The following PCDHB1 variants were observed in gnomAD, a reference collection of about 807,000 sequenced individuals.
PCDHB1 encodes protocadherin beta-1.
In PCDHB1, 44 loss-of-function variants were observed where a neutral mutation model predicts 43.5. The observed-to-expected ratio is 1.01, with a 90% CI of 0.79 to 1.30. PCDHB1 has a LOEUF of 1.30. Ranked by LOEUF, PCDHB1 falls within the 50% of genes most tolerant of loss-of-function variation. The pLI is 0.00. For missense variants in PCDHB1, 919 were observed against 1,008.9 expected, an observed-to-expected ratio of 0.91 and a Z score of 1.21; for synonymous variants, 392 against 400.8, an observed-to-expected ratio of 0.98 and a Z score of 0.26.
In PCDHB1 at chr5:141,052,122, G is replaced by A. The variant is rs1554267188; in HGVS notation, c.652G>A (p.Gly218Arg). Reference protein sequence around the residue: ...VNLTITAVDGGSPPKSGTAHI... With the variant: ...VNLTITAVDGRSPPKSGTAHI... Reference sequence around the variant, plus strand: ...CTTGACAATTACGGCGGTGGACGGCGGGTCCCCGCCTAAGTCTGGCACAGC... The same window carrying A: ...CTTGACAATTACGGCGGTGGACGGCAGGTCCCCGCCTAAGTCTGGCACAGC... The change falls in exon 1 of 1, where the codon GGG becomes AGG. Residue 218 changes from glycine (G) to arginine (R), a missense_variant. Coordinates refer to ENST00000306549, the MANE Select transcript of PCDHB1 (RefSeq NM_013340.4). 2 of 1,612,584 alleles carry A rather than the reference G, an allele frequency of 1.2e-6. No homozygotes were observed. The highest frequency in any genetic ancestry group is 1.3e-5 in the African/African-American group (1 of 75,012).
In PCDHB1 at chr5:141,057,400, G is replaced by A. The variant is rs1464224270; in HGVS notation, c.*3473G>A. On this transcript the variant is annotated 3_prime_UTR_variant, in exon 1 of 1. Transcript: ENST00000306549. ...CTATTAAAAATACAAAAATTAGCTG[G>A]GTGTGGTGGTATGTGCCTGTAGTCC... The A allele has an allele frequency of 6.6e-6, 1 of 151,682 alleles. No homozygotes were observed. Among genetic ancestry groups the A allele is most frequent in the African/African-American group, 2.4e-5 (1 of 41,300 alleles). The allele number at this position is 151,682 out of a possible 1,614,324, so 9.4% of individuals were successfully genotyped here. A position where few individuals can be genotyped will look rare whatever the true frequency, so the allele number is the denominator to read the frequency against.
Position 141,054,246 on chromosome 5 carries a change from G to C in PCDHB1, c.*319G>C, listed in dbSNP as rs904884149. 4.3e-6 allele frequency: 1 copy of C among 233,062 alleles called. No individual in the cohort carries two copies. Among genetic ancestry groups the C allele is most frequent in the East Asian group, 8.4e-5 (1 of 11,880 alleles). The allele number at this position is 233,062 out of a possible 1,614,324, so 14.4% of individuals were successfully genotyped here. A position where few individuals can be genotyped will look rare whatever the true frequency, so the allele number is the denominator to read the frequency against. On this transcript the variant is annotated 3_prime_UTR_variant, in exon 1 of 1. Transcript: ENST00000306549. The stretch of plus-strand genomic sequence containing the variant: ...CTCTGTGCTAGCAAGTAATGAATAA[G>C]CCATTATTCACATTTTCCTTAGAAG...
At position 141,051,545 on chromosome 5, in the gene PCDHB1, G is replaced by A; in HGVS notation, c.75G>A (p.Val25=). The A allele has an allele frequency of 6.2e-7, 1 of 1,614,232 alleles. No individual in the cohort carries two copies. Among genetic ancestry groups the A allele is most frequent in the Non-Finnish European group, 8.5e-7 (1 of 1,180,038 alleles). Reference sequence around the variant, plus strand: ...TTCTCATTTTTCTGTGCATATCTGTGGGGGATGCGACAACTATCCGCTATT... The same window carrying A: ...TTCTCATTTTTCTGTGCATATCTGTAGGGGATGCGACAACTATCCGCTATT... The part of the protein sequence containing the change: ...GSLLIFLCIS[V]GDATTIRYSV... The change falls in exon 1 of 1, where the codon GTG becomes GTA. Residue 25 remains valine (V), a synonymous_variant. Coordinates refer to ENST00000306549, the MANE Select transcript of PCDHB1 (RefSeq NM_013340.4).
chr5:141,052,661 A>C lies in PCDHB1; in HGVS notation c.1191A>C (p.Thr397=). ...ACCTTCCCTTTGTAATCAAACCTAC[A>C]TTTGGGAATTCTTACTCACTGGTCA... The part of the protein sequence containing the change: ...REDLPFVIKP[T]FGNSYSLVTD... Residue 397 remains threonine, a synonymous_variant, in exon 1 of 1, where the codon ACA becomes ACC. Coordinates refer to ENST00000306549, the MANE Select transcript of PCDHB1 (RefSeq NM_013340.4). 1 of 1,614,106 alleles carries C rather than the reference A, an allele frequency of 6.2e-7. No homozygotes were observed. Among genetic ancestry groups the C allele is most frequent in the Non-Finnish European group, 8.5e-7 (1 of 1,180,008 alleles).
rs1363666772 is a variant in PCDHB1, at chr5:141,056,780, T to G, written c.*2853T>G. 1 of 152,146 alleles carries G rather than the reference T, an allele frequency of 6.6e-6. No homozygotes were observed. Among genetic ancestry groups the G allele is most frequent in the Non-Finnish European group, 1.5e-5 (1 of 68,034 alleles). 9.4% of individuals were successfully genotyped at this position (152,146 alleles called of 1,614,324 possible). On this transcript the variant is annotated 3_prime_UTR_variant, in exon 1 of 1. Transcript: ENST00000306549. ...TTACCACGCCCAGCTAAATTTTGTG[T>G]TTTTAGTAGAGACGGGGCTTCGCCA...
In PCDHB1 at chr5:141,051,848, C is replaced by A. The variant is rs1588282495; in HGVS notation, c.378C>A (p.Ile126=). Residue 126 remains isoleucine (I), a synonymous_variant, in exon 1 of 1, where the codon ATC becomes ATA. Coordinates refer to ENST00000306549, the MANE Select transcript of PCDHB1 (RefSeq NM_013340.4). ...GGGCCGAGGTCAGGGTATTTGATAT[C>A]AATGACAATGCCCCAGTTTTCCTAA... The part of the protein sequence containing the change: ...SFRAEVRVFD[I]NDNAPVFLNK... 1 of 1,614,190 alleles carries A rather than the reference C, an allele frequency of 6.2e-7. No individual in the cohort carries two copies. Among genetic ancestry groups the A allele is most frequent in the Non-Finnish European group, 8.5e-7 (1 of 1,180,036 alleles).
At position 141,057,850 on chromosome 5, in the gene PCDHB1, T is replaced by G. The variant is rs1024461857; in HGVS notation, c.*3923T>G. 3 of 152,170 alleles carry G rather than the reference T, an allele frequency of 2.0e-5. No individual in the cohort carries two copies. The highest frequency in any genetic ancestry group is 4.4e-5 in the Non-Finnish European group (3 of 68,028). The allele number at this position is 152,170 out of a possible 1,614,324, so 9.4% of individuals were successfully genotyped here. A position where few individuals can be genotyped will look rare whatever the true frequency, so the allele number is the denominator to read the frequency against. ...CACCAGCTGAGATTAAGTCCAGGTC[T>G]CTATCAGCAAATTAAGACAAAGAAT... On this transcript the variant is annotated 3_prime_UTR_variant, in exon 1 of 1. Coordinates refer to ENST00000306549, the MANE Select transcript of PCDHB1 (RefSeq NM_013340.4).
In PCDHB1 at chr5:141,051,457, G is replaced by A. The variant is rs782004616; in HGVS notation, c.-14G>A. The A allele has an allele frequency of 3.7e-6, 6 of 1,612,528 alleles. No homozygotes were observed. Among genetic ancestry groups the A allele is most frequent in the Non-Finnish European group, 8.5e-7 (1 of 1,178,570 alleles). On this transcript the variant is annotated 5_prime_UTR_variant, in exon 1 of 1. Transcript: ENST00000306549. ...AGTTGGCTCTGATTGCAGAGAGCGCGCTTGTGAGAACTGATGGCGGGTACG... is the reference window on the plus strand; with the variant it reads ...AGTTGGCTCTGATTGCAGAGAGCGCACTTGTGAGAACTGATGGCGGGTACG...
rs782393645 is a variant in PCDHB1 at position 141,052,951 on chromosome 5, C to T, written c.1481C>T (p.Pro494Leu). 6.2e-6 allele frequency: 10 copies of T among 1,613,898 alleles called. No homozygotes were observed. Among genetic ancestry groups the T allele is most frequent in the Non-Finnish European group, 8.5e-6 (10 of 1,179,990 alleles). ...CAAATAACATATTCTCTGTTGCCTC[C>T]AAAAAACGGAGATCTTTCAGTCTTT... ...NAQITYSLLP[P>L]KNGDLSVFAY... is the part of the protein sequence containing the mutation. The change falls in exon 1 of 1, where the codon CCA (proline) becomes CTA (leucine). Residue 494 changes from proline to leucine, a missense_variant. Physicochemically the swap from Pro to Leu is moderately conservative, Grantham distance 98. Coordinates refer to ENST00000306549, the MANE Select transcript of PCDHB1 (RefSeq NM_013340.4).
rs1751092071 is a variant in PCDHB1, at chr5:141,054,738, G to C, written c.*811G>C. 8.5e-6 allele frequency: 1 copy of C among 118,214 alleles called. No homozygotes were observed. Among genetic ancestry groups the C allele is most frequent in the South Asian group, 3.0e-4 (1 of 3,350 alleles). The allele number at this position is 118,214 out of a possible 1,614,324, so 7.3% of individuals were successfully genotyped here. On this transcript the variant is annotated 3_prime_UTR_variant, in exon 1 of 1. Transcript: ENST00000306549. ...GACGGAGTTTTTCTCTTGTTGCCCA[G>C]ACTGGAGTGCAATGGCACGATCTCG...
chr5:141,052,509 G>A lies in PCDHB1; in HGVS notation c.1039G>A (p.Val347Met), dbSNP rs1554267262. Residue 347 changes from valine to methionine, a missense_variant, in exon 1 of 1, where the codon GTG becomes ATG. By Grantham distance (21) the Val-to-Met change is conservative. Transcript: ENST00000306549. ...VVDVNDNPPE[V>M]MVSSVSSPLP... ...GGATGTGAATGACAATCCTCCCGAA[G>A]TGATGGTCTCCTCTGTGTCCAGCCC... The A allele has an allele frequency of 6.2e-7, 1 of 1,614,192 alleles. No homozygotes were observed. The highest frequency in any genetic ancestry group is 1.7e-5 in the Admixed American group (1 of 60,024).
Position 141,055,616 on chromosome 5 carries a change from G to A in PCDHB1, c.*1689G>A, listed in dbSNP as rs782220770. 1.1e-4 allele frequency: 16 copies of A among 152,158 alleles called. No homozygotes were observed. Among genetic ancestry groups the A allele is most frequent in the Non-Finnish European group, 1.5e-4 (10 of 68,026 alleles). 9.4% of individuals were successfully genotyped at this position (152,158 alleles called of 1,614,324 possible). On this transcript the variant is annotated 3_prime_UTR_variant, in exon 1 of 1. Coordinates refer to ENST00000306549, the MANE Select transcript of PCDHB1 (RefSeq NM_013340.4). ...TAAAAAGTTCATTAATACTAATTAA[G>A]TGGCATTAAGGAAAGACACATTTTC...
Position 141,052,478 on chromosome 5 carries a change from A to G in PCDHB1, c.1008A>G (p.Glu336=), listed in dbSNP as rs782710315. 6.2e-7 allele frequency: 1 copy of G among 1,614,188 alleles called. No individual in the cohort carries two copies. The highest frequency in any genetic ancestry group is 2.2e-5 in the East Asian group (1 of 44,886). The change falls in exon 1 of 1, where the codon GAA becomes GAG. Residue 336 remains glutamate (E), a synonymous_variant. Transcript: ENST00000306549. ...CTGCCCACAGCAAAGTCCTGGTAGA[A>G]GTGGTGGATGTGAATGACAATCCTC... ...GLSAHSKVLV[E]VVDVNDNPPE... is the part of the protein sequence containing the mutation.
In PCDHB1 at chr5:141,051,434, T is replaced by C; in HGVS notation, c.-37T>C. ...AAAAGTGAAAGTATATCCGCAACAG[T>C]TGGCTCTGATTGCAGAGAGCGCGCT... On this transcript the variant is annotated 5_prime_UTR_variant, in exon 1 of 1. Coordinates refer to ENST00000306549, the MANE Select transcript of PCDHB1 (RefSeq NM_013340.4). The C allele has an allele frequency of 1.9e-6, 3 of 1,606,252 alleles. No homozygotes were observed. The highest frequency in any genetic ancestry group is 1.7e-6 in the Non-Finnish European group (2 of 1,173,996).
At position 141,053,761 on chromosome 5, in the gene PCDHB1, G is replaced by A; in HGVS notation, c.2291G>A (p.Gly764Asp). ...PYEMCSATGT[G>D]NSEFRFLKRF... ...GAAATGTGTTCAGCCACTGGCACTG[G>A]TAATAGTGAGTTTCGCTTTCTTAAG... Residue 764 changes from glycine to aspartate, a missense_variant, in exon 1 of 1, where the codon GGT becomes GAT. Transcript: ENST00000306549. The A allele has an allele frequency of 2.5e-6, 4 of 1,614,188 alleles. No homozygotes were observed. Among genetic ancestry groups the A allele is most frequent in the Non-Finnish European group, 3.4e-6 (4 of 1,180,024 alleles).
chr5:141,053,860 C>T lies in PCDHB1; in HGVS notation c.2390C>T (p.Pro797Leu). ...ATGGAGGCTGGCTCCAGTTTGCCCC[C>T]AAATTCTGATAGGAATAAGTCTCAG... ...IKMEAGSSLPPNSDRNKSQRL... is the reference protein window; with the variant it reads ...IKMEAGSSLPLNSDRNKSQRL... The change falls in exon 1 of 1, where the codon CCA (proline) becomes CTA (leucine). Residue 797 changes from proline (P) to leucine (L), a missense_variant. Coordinates refer to ENST00000306549, the MANE Select transcript of PCDHB1 (RefSeq NM_013340.4). 6.2e-7 allele frequency: 1 copy of T among 1,614,142 alleles called. No homozygotes were observed. The highest frequency in any genetic ancestry group is 8.5e-7 in the Non-Finnish European group (1 of 1,180,032).
chr5:141,054,102 A>G lies in PCDHB1; in HGVS notation c.*175A>G, dbSNP rs73793568. On this transcript the variant is annotated 3_prime_UTR_variant, in exon 1 of 1. Coordinates refer to ENST00000306549, the MANE Select transcript of PCDHB1 (RefSeq NM_013340.4). ...GAGTGAGGCTAGGCTTACTCAATAC[A>G]AAGCAGTTATCCTGATCCCCAGATC... 10,884 of 586,970 alleles carry G rather than the reference A, an allele frequency of 0.019. 795 individuals carry two copies. The highest frequency in any genetic ancestry group is 0.17 in the African/African-American group (9,260 of 53,848). 36.4% of individuals were successfully genotyped at this position (586,970 alleles called of 1,614,324 possible). A position where few individuals can be genotyped will look rare whatever the true frequency, so the allele number is the denominator to read the frequency against.
rs1751170456 is a variant in PCDHB1, at chr5:141,058,122, C to T, written c.*4195C>T. On this transcript the variant is annotated 3_prime_UTR_variant, in exon 1 of 1. Transcript: ENST00000306549. ...GTAGTTATCAAAATTAAGAAATTAA[C>T]CTTGGTATAATTCTATGAAGTAAAC... 2 of 152,140 alleles carry T rather than the reference C, an allele frequency of 1.3e-5. No homozygotes were observed. The highest frequency in any genetic ancestry group is 2.9e-5 in the Non-Finnish European group (2 of 68,018). 9.4% of individuals were successfully genotyped at this position (152,140 alleles called of 1,614,324 possible).
chr5:141,057,793 G>A lies in PCDHB1; in HGVS notation c.*3866G>A, dbSNP rs1386521208. 6.6e-6 allele frequency: 1 copy of A among 152,110 alleles called. No homozygotes were observed. Among genetic ancestry groups the A allele is most frequent in the African/African-American group, 2.4e-5 (1 of 41,418 alleles). 9.4% of individuals were successfully genotyped at this position (152,110 alleles called of 1,614,324 possible). On this transcript the variant is annotated 3_prime_UTR_variant, in exon 1 of 1. Transcript: ENST00000306549. Reference sequence around the variant, plus strand: ...AATATATCAATTCACTGAATGTGAAGTAGGCCACTTGTTTTTGGAGAGAAC... The same window carrying A: ...AATATATCAATTCACTGAATGTGAAATAGGCCACTTGTTTTTGGAGAGAAC...
Sources: gnomAD v4.1 joint callset for allele counts on GRCh38, gnomAD v4.1.1 for gene constraint, MANE v1.5 for transcripts, NCBI Gene and HGNC (gene_info 2026-07-23, HGNC 2026-07-21) for gene names.